The following PCDHA1 variants were observed in gnomAD, a reference collection of about 807,000 sequenced individuals.
PCDHA1 encodes protocadherin alpha-1.
In PCDHA1, 42 loss-of-function variants were observed where a neutral mutation model predicts 61.3. That is an observed-to-expected ratio of 0.69 (90% CI 0.54 to 0.89). The LOEUF is 0.89. Ranked by LOEUF, PCDHA1 falls within the 40% of genes least tolerant of loss-of-function variation. The pLI, the probability that PCDHA1 is intolerant of heterozygous loss-of-function variation, is 0.00. For missense variants in PCDHA1, 1,256 were observed against 1,235.3 expected (o/e 1.02, Z -0.25); for synonymous variants, 610 against 553.8 (o/e 1.10, Z -1.43).
At chr5:140,800,670 C>A (rs980874297) in intron 1 of PCDHA1, among the ~76,000 whole-genome samples, 2 of 151,974 alleles carry the variant, frequency 1.3e-5, no homozygotes, top group African/African-American at 4.8e-5. Context: ...TTATAAAAAG[C>A]GAATAATATT....
At chr5:140,915,781 A>C (rs2153536351) in intron 1 of PCDHA1, among the ~76,000 whole-genome samples, 1 of 152,104 alleles carries the variant, frequency 6.6e-6, no homozygotes, top group South Asian at 2.1e-4. Flanking sequence ...GGCCTGCTGT[A>C]ACCACTACCT....
chr5:140,892,185 C>T (rs569665979), intron 1 of PCDHA1, among the ~76,000 whole-genome samples: 1 of 152,254 alleles, frequency 6.6e-6, no homozygotes, highest in East Asian at 1.9e-4. Flanking sequence ...CCTCATGGGT[C>T]TATTCCTGTG....
chr5:140,822,234 A>C, intron 1 of PCDHA1: 1 of 1,614,268 alleles, frequency 6.2e-7, no homozygotes. Context: ...GGTTTCCGCT[A>C]GAGGGCGCGT....
At chr5:140,950,358 G>A (rs1474217490) in intron 1 of PCDHA1, among the ~76,000 whole-genome samples, 3 of 151,864 alleles carry the variant, frequency 2.0e-5, no homozygotes, top group Admixed American at 1.3e-4. Context: ...TCCTTTATCT[G>A]AAGATCTATT....
intron 1 of PCDHA1, among the ~76,000 whole-genome samples, chr5:140,845,288 C>A (rs1304336704): frequency 6.7e-6 from 1 of 149,098 alleles, no homozygotes; most frequent in Non-Finnish European, 1.5e-5. Flanking sequence ...ATTTCCTATC[C>A]TGTCTATGTC....
In PCDHA1 at chr5:140,848,677, C is replaced by A. The variant is rs142354028; in HGVS notation, c.2394+59993C>A. 4.6e-4 allele frequency: 738 copies of A among 1,592,248 alleles called. 63 individuals carry two copies. The East Asian group carries it at 6.0e-3, about 13-fold the overall frequency. ...GGGCTGGAGCTGGCGGAGCTGGTGC[C>A]GCGCCTGTTCCAGTTGGATTCCAAA... On this transcript the variant is annotated intron_variant, in intron 1 of 3. Transcript: ENST00000504120.
chr5:140,857,883 C>T (rs782327077), intron 1 of PCDHA1: 1 of 1,597,548 alleles, frequency 6.3e-7, no homozygotes, highest in Admixed American at 1.7e-5. Context: ...GAATTGCAGT[C>T]GGCGGCGGTT....
intron 1 of PCDHA1, among the ~76,000 whole-genome samples, chr5:140,838,271 G>A (rs1439156541): frequency 7.8e-6 from 1 of 127,938 alleles, no homozygotes; most frequent in Non-Finnish European, 1.6e-5. Context: ...CAACAACCAA[G>A]CCATGCTAAT....
At chr5:140,795,493 T>C in intron 1 of PCDHA1, 2 of 1,613,596 alleles carry the variant, frequency 1.2e-6, no homozygotes, top group South Asian at 2.2e-5. Context: ...CTCCAGTGAG[T>C]TTTTCTTCCT....
chr5:140,822,625 G>A (rs2150117840), intron 1 of PCDHA1: 2 of 1,611,264 alleles, frequency 1.2e-6, no homozygotes, highest in South Asian at 1.1e-5. Context: ...TAGTAATCTT[G>A]TTCTTGACGA....
At chr5:140,790,919 A>G (rs544712822) in intron 1 of PCDHA1, among the ~76,000 whole-genome samples, 23 of 152,234 alleles carry the variant, frequency 1.5e-4, no homozygotes, top group Non-Finnish European at 3.1e-4. Context: ...AATGGAGGAA[A>G]AAATGATTGT....
intron 3 of PCDHA1, among the ~76,000 whole-genome samples, chr5:140,992,217 C>T (rs1281643880): frequency 6.6e-6 from 1 of 152,088 alleles, no homozygotes; most frequent in Non-Finnish European, 1.5e-5. Flanking sequence ...AACTACTCTC[C>T]CTTCCTGGGA....
intron 1 of PCDHA1, among the ~76,000 whole-genome samples, chr5:140,916,543 G>A (rs1554197499): frequency 6.6e-6 from 1 of 152,152 alleles, no homozygotes; most frequent in Non-Finnish European, 1.5e-5. Context: ...AAGGCAATGG[G>A]TTTTCTATTT....
intron 1 of PCDHA1, chr5:140,927,238 G>A (rs782670286): frequency 1.2e-6 from 2 of 1,614,122 alleles, no homozygotes; most frequent in Non-Finnish European, 1.7e-6. Flanking sequence ...TCACGTCCTG[G>A]ACACCAATGA....
chr5:140,868,950 C>T, intron 1 of PCDHA1: 2 of 1,308,056 alleles, frequency 1.5e-6, no homozygotes, highest in Admixed American at 5.4e-5. Flanking sequence ...AACAGTGAGG[C>T]ACTCCCATAC....
chr5:140,876,567 G>T (rs782286416), intron 1 of PCDHA1: 90 of 1,614,068 alleles, frequency 5.6e-5, no homozygotes, highest in Non-Finnish European at 6.3e-5. Context: ...ATGCTCAGGT[G>T]GGTACCGTCA....
intron 1 of PCDHA1, among the ~76,000 whole-genome samples, chr5:140,926,099 T>C (rs1364046229): frequency 6.6e-6 from 1 of 152,162 alleles, no homozygotes; most frequent in Non-Finnish European, 1.5e-5. Context: ...GCTCCTGGGA[T>C]ACAAGAGGGT....
At chr5:140,936,347 G>A (rs2090928614) in intron 1 of PCDHA1, among the ~76,000 whole-genome samples, 1 of 152,066 alleles carries the variant, frequency 6.6e-6, no homozygotes, top group South Asian at 2.1e-4. Flanking sequence ...CTGCATATAT[G>A]GAATGTGTAG....
At chr5:140,849,937 A>T (rs1554143515) in intron 1 of PCDHA1, 3 of 1,598,056 alleles carry the variant, frequency 1.9e-6, no homozygotes, top group Non-Finnish European at 2.6e-6. Flanking sequence ...TCTGCGCGGG[A>T]CGCTGACGCG....
Sources: allele counts gnomAD v4.1 joint callset (sites outside exome capture counted in the v4.1 genomes callset), GRCh38; gene constraint gnomAD v4.1.1; transcripts MANE v1.5; gene names NCBI Gene and HGNC (gene_info 2026-07-23, HGNC 2026-07-21).